The following DNAH6 variants were observed in gnomAD, a reference collection of about 807,000 sequenced individuals.
DNAH6 encodes dynein axonemal heavy chain 6, also known as axonemal beta dynein heavy chain 6.
In DNAH6, 340 loss-of-function variants were observed where a neutral mutation model predicts 491.4. The ratio of observed to expected loss-of-function variants is 0.69; its 90% CI spans 0.63 to 0.76. The LOEUF is 0.76. Ranked by LOEUF, DNAH6 falls within the 30% of genes least tolerant of loss-of-function variation. The pLI, the probability that DNAH6 is intolerant of heterozygous loss-of-function variation, is 0.00. For missense variants in DNAH6, 4,443 were observed against 4,972.2 expected, an observed-to-expected ratio of 0.89 and a Z score of 3.20; for synonymous variants, 1,603 against 1,686.1, an observed-to-expected ratio of 0.95 and a Z score of 1.21.
At chr2:84,508,234 T>A in the DNAH6 span, among the ~76,000 whole-genome samples, 6 of 152,212 alleles carry the variant, frequency 3.9e-5, 1 homozygote, top group East Asian at 1.2e-3. Flanking sequence ...AATTATTGCC[T>A]TAATTTCAGA....
intron 32 of DNAH6, 111 bp from the exon 33 acceptor site, chr2:84,641,833 TCTC>T: frequency 1.3e-6 from 1 of 784,546 alleles, no homozygotes; most frequent in Non-Finnish European, 2.0e-6. Context: ...AAAATGATCT[TCTC>T]CTTCTAACAG....
At chr2:84,756,530 A>T (rs923438668) in intron 63 of DNAH6, among the ~76,000 whole-genome samples, 16 of 152,196 alleles carry the variant, frequency 1.1e-4, no homozygotes, top group Admixed American at 7.9e-4. Flanking sequence ...CATAATGCAC[A>T]ATTTCAGTAG....
intron 64 of DNAH6, chr2:84,777,423 C>G: frequency 1.7e-6 from 1 of 576,180 alleles, no homozygotes; most frequent in Non-Finnish European, 3.2e-6. Context: ...CCATAGAGAC[C>G]CTTAATCATG....
At chr2:84,787,517 C>CAAT (rs1553499611) in intron 68 of DNAH6, among the ~76,000 whole-genome samples, 2 of 151,892 alleles carry the variant, frequency 1.3e-5, no homozygotes, top group East Asian at 1.9e-4. Context: ...GCTGCTTTCT[C>CAAT]AATAATAATA....
chr2:84,699,200 A>G (rs1478517172), intron 47 of DNAH6, among the ~76,000 whole-genome samples: 5 of 152,080 alleles, frequency 3.3e-5, no homozygotes, highest in Admixed American at 1.3e-4. Context: ...AAAAAGAAAA[A>G]AAAAAACTCC....
chr2:84,521,396 C>G (rs1449548585), intron 2 of DNAH6, among the ~76,000 whole-genome samples: 4 of 151,940 alleles, frequency 2.6e-5, no homozygotes, highest in African/African-American at 9.7e-5. Flanking sequence ...GCATAGCTTA[C>G]AAATATTTTC....
At chr2:84,670,307 A>G (rs2104664040) in intron 38 of DNAH6, 21 bp from the exon 39 acceptor site, 2 of 1,463,266 alleles carry the variant, frequency 1.4e-6, no homozygotes, top group South Asian at 1.3e-5. Flanking sequence ...TGTGACATTA[A>G]TTAACTTATT....
At chr2:84,469,047 C>T in the DNAH6 span, among the ~76,000 whole-genome samples, 1 of 152,132 alleles carries the variant, frequency 6.6e-6, no homozygotes, top group Non-Finnish European at 1.5e-5. This position sits in a 1 kb window ranked among gnomAD's most constrained non-coding sequence, Gnocchi z 4.0. Flanking sequence ...CCTAAAGTAC[C>T]CCTTGACACA....
At chr2:84,536,107 T>C (rs995917389) in intron 4 of DNAH6, among the ~76,000 whole-genome samples, 8 of 152,024 alleles carry the variant, frequency 5.3e-5, no homozygotes, top group African/African-American at 1.9e-4. Context: ...ATCCAAGCTA[T>C]CAACCACATA....
the DNAH6 span, among the ~76,000 whole-genome samples, chr2:84,502,013 G>T: frequency 1.3e-5 from 2 of 151,298 alleles, no homozygotes; most frequent in Non-Finnish European, 1.5e-5. Flanking sequence ...TGTCTTCTTC[G>T]TTACAATTTC....
At chr2:84,677,236 A>G (rs1287358796) in intron 41 of DNAH6, 100 bp downstream of exon 41, 7 of 1,452,250 alleles carry the variant, frequency 4.8e-6, no homozygotes, top group African/African-American at 1.4e-5. Context: ...TAAGGAGTCC[A>G]TCTATCCGTC....
At chr2:84,585,149 C>G (rs78992526) in intron 15 of DNAH6, among the ~76,000 whole-genome samples, 4,711 of 152,232 alleles carry the variant, frequency 0.031, 74 homozygotes, top group Middle Eastern at 0.1. Flanking sequence ...TATTGAAGCA[C>G]TTTTGTATTT....
intron 49 of DNAH6, 42 bp from the exon 50 acceptor site, chr2:84,703,353 T>A: frequency 1.4e-6 from 2 of 1,382,596 alleles, no homozygotes; most frequent in Non-Finnish European, 1.9e-6. Context: ...AAACTTAGAG[T>A]TTATAATGCT....
intron 63 of DNAH6, among the ~76,000 whole-genome samples, chr2:84,758,743 C>G (rs1241750554): frequency 6.6e-6 from 1 of 152,132 alleles, no homozygotes; most frequent in Non-Finnish European, 1.5e-5. Flanking sequence ...ATTCAGCACC[C>G]CTTCATGATA....
intron 35 of DNAH6, among the ~76,000 whole-genome samples, chr2:84,656,657 T>G (rs560588969): frequency 6.6e-6 from 1 of 152,226 alleles, no homozygotes; most frequent in East Asian, 1.9e-4. Context: ...TTGTTGAATT[T>G]TAAGAGTTCT....
chr2:84,525,292 A>C (rs1676506917), intron 2 of DNAH6, among the ~76,000 whole-genome samples: 1 of 152,076 alleles, frequency 6.6e-6, no homozygotes, highest in Admixed American at 6.6e-5. Flanking sequence ...ATGATTTCAT[A>C]CTTCTGAGCC....
intron 42 of DNAH6, among the ~76,000 whole-genome samples, chr2:84,681,866 C>G (rs1257685076): frequency 6.6e-6 from 1 of 152,152 alleles, no homozygotes; most frequent in African/African-American, 2.4e-5. Context: ...AATGCTCCTT[C>G]TAATACCGAA....
rs1215337301 is a variant in DNAH6 at position 84,672,461 on chromosome 2, A to T, written c.6589A>T (p.Lys2197Ter). 9 of 1,551,096 alleles carry T rather than the reference A, an allele frequency of 5.8e-6. No individual in the cohort carries two copies. In the Admixed American group the frequency reaches 1.2e-4, roughly 20 times the overall value. Residue 2197 changes from lysine to a stop codon, truncating the protein, a stop_gained, in exon 40 of 77, where the codon AAA becomes TAA. Coordinates refer to ENST00000389394, the MANE Select transcript of DNAH6 (RefSeq NM_001370.2). LOFTEE classifies it high-confidence loss of function. ...TTTTGGGGGATTTTATGACAGAAAC[A>T]AACTGTTTTGGAAAGAAATACAGGT... ...QDFGGFYDRNKLFWKEIQDVT... is the reference protein window; with the variant it reads ...QDFGGFYDRN
At position 84,781,513 on chromosome 2, in the gene DNAH6, G is replaced by A; in HGVS notation, c.10724G>A (p.Gly3575Glu). 1.3e-6 allele frequency: 2 copies of A among 1,550,496 alleles called. No homozygotes were observed. Among genetic ancestry groups the A allele is most frequent in the Non-Finnish European group, 1.7e-6 (2 of 1,146,168 alleles). Residue 3575 changes from glycine to glutamate, a missense_variant, in exon 65 of 77, where the codon GGG becomes GAG. Transcript: ENST00000389394. ...YSERVQSISLGQGQGPIAEKM... is the reference protein window; with the variant it reads ...YSERVQSISLEQGQGPIAEKM... Reference sequence around the variant, plus strand: ...TTCAGGGTGCAGTCAATTTCACTGGGGCAAGGACAAGGACCTATTGCTGAA... The same window carrying A: ...TTCAGGGTGCAGTCAATTTCACTGGAGCAAGGACAAGGACCTATTGCTGAA...
Sources: gnomAD v4.1 joint callset for allele counts (sites outside exome capture counted in the v4.1 genomes callset) on GRCh38, gnomAD v4.1.1 for gene constraint, Gnocchi (gnomAD v3.1) non-coding constraint, MANE v1.5 for transcripts, NCBI Gene and HGNC (gene_info 2026-07-23, HGNC 2026-07-21) for gene names.